Variants in XKR9 observed in about 807,000 individuals in gnomAD.
XKR9 encodes the protein XK-related protein 9.
A neutral mutation model predicts 32.0 loss-of-function variants in XKR9; 32 were observed. The ratio of observed to expected loss-of-function variants is 1.00; its 90% CI spans 0.76 to 1.34. The LOEUF (loss-of-function observed/expected upper bound fraction) is 1.34, where lower values mean the gene tolerates loss of function less well. XKR9 is among the 40% of genes most tolerant of loss of function. The probability of loss-of-function intolerance (pLI) is 0.00; values close to 1 mark genes in which losing one functional copy is unlikely to be tolerated. For synonymous variants in XKR9, 168 were observed against 143.4 expected (o/e 1.17, Z -1.22); for missense variants, 546 against 429.7 (o/e 1.27, Z -2.39).
the XKR9 span, among the ~76,000 whole-genome samples, chr8:70,804,830 A>C: frequency 6.6e-6 from 1 of 152,168 alleles, no homozygotes; most frequent in Non-Finnish European, 1.5e-5. Context: ...TTTATTTTGC[A>C]TATTTCACAG....
chr8:70,939,041 T>C, the XKR9 span, among the ~76,000 whole-genome samples: 1 of 151,894 alleles, frequency 6.6e-6, no homozygotes, highest in Non-Finnish European at 1.5e-5. Flanking sequence ...GATTTCATCA[T>C]TGACAGCTAT....
At chr8:70,926,596 G>A in the XKR9 span, among the ~76,000 whole-genome samples, 1 of 152,202 alleles carries the variant, frequency 6.6e-6, no homozygotes, top group South Asian at 2.1e-4. Flanking sequence ...CTTCAAAGAG[G>A]GCCCAGAGTG....
At chr8:70,819,062 G>A in the XKR9 span, among the ~76,000 whole-genome samples, 35 of 150,090 alleles carry the variant, frequency 2.3e-4, no homozygotes, top group Middle Eastern at 3.4e-3. Context: ...ACTGTTTACA[G>A]GCAAAGACAT....
At chr8:70,755,138 A>G (rs1807201361) in intron 2 of XKR9, among the ~76,000 whole-genome samples, 3 of 152,222 alleles carry the variant, frequency 2.0e-5, no homozygotes, top group Non-Finnish European at 2.9e-5. Flanking sequence ...CATTTATGCA[A>G]CCAAAAGACA....
chr8:70,908,811 G>A, the XKR9 span, among the ~76,000 whole-genome samples: 1 of 151,974 alleles, frequency 6.6e-6, no homozygotes, highest in African/African-American at 2.4e-5. Flanking sequence ...ATCATGGGCT[G>A]TATAAAAAAA....
At chr8:70,801,539 G>A in the XKR9 span, among the ~76,000 whole-genome samples, 21 of 152,014 alleles carry the variant, frequency 1.4e-4, no homozygotes, top group East Asian at 1.9e-4. Context: ...TGTTTGGCAC[G>A]GTTTCTTTTT....
At chr8:70,867,322 G>A in the XKR9 span, among the ~76,000 whole-genome samples, 2 of 152,124 alleles carry the variant, frequency 1.3e-5, no homozygotes, top group African/African-American at 4.8e-5. Flanking sequence ...CAATATACGG[G>A]AATTCAAGAT....
the XKR9 span, among the ~76,000 whole-genome samples, chr8:70,818,506 T>A: frequency 1.8e-4 from 28 of 152,312 alleles, no homozygotes; most frequent in African/African-American, 6.5e-4. Flanking sequence ...AAACTATGAC[T>A]GTTTACCACC....
At chr8:70,897,841 G>C in the XKR9 span, among the ~76,000 whole-genome samples, 42 of 152,198 alleles carry the variant, frequency 2.8e-4, 1 homozygote, top group African/African-American at 9.9e-4. Context: ...TTTGTGGATT[G>C]TTTCCTTTGC....
chr8:70,705,884 G>T (rs1288095866), intron 3 of XKR9, among the ~76,000 whole-genome samples: 2 of 152,148 alleles, frequency 1.3e-5, no homozygotes, highest in African/African-American at 4.8e-5. Context: ...TTAAACAAGG[G>T]TGGTAGTAGT....
intron 2 of XKR9, among the ~76,000 whole-genome samples, chr8:70,777,644 C>T (rs1807550533): frequency 6.6e-6 from 1 of 152,162 alleles, no homozygotes; most frequent in Non-Finnish European, 1.5e-5. Context: ...TTAATGATTG[C>T]TATTCTAACT....
chr8:70,767,394 T>A (rs1388389207), intron 2 of XKR9, among the ~76,000 whole-genome samples: 1 of 152,100 alleles, frequency 6.6e-6, no homozygotes, highest in Non-Finnish European at 1.5e-5. Flanking sequence ...CGTAGAGGTG[T>A]TTATAGTATT....
At chr8:70,898,480 G>T in the XKR9 span, among the ~76,000 whole-genome samples, 1 of 152,048 alleles carries the variant, frequency 6.6e-6, no homozygotes, top group Admixed American at 6.6e-5. Flanking sequence ...TTGATGTGGG[G>T]TTGTATAGAG....
the XKR9 span, among the ~76,000 whole-genome samples, chr8:70,950,469 G>A: frequency 4.8e-4 from 73 of 152,198 alleles, no homozygotes; most frequent in African/African-American, 1.7e-3. Context: ...CCGGCTCTGG[G>A]CAGAGCATGG....
chr8:71,062,533 A>G, the XKR9 span, among the ~76,000 whole-genome samples: 1 of 152,144 alleles, frequency 6.6e-6, no homozygotes, highest in Non-Finnish European at 1.5e-5. Context: ...ATCTGGCGGG[A>G]GCAGGGAGAC....
chr8:70,933,776 G>A, the XKR9 span, among the ~76,000 whole-genome samples: 1 of 151,956 alleles, frequency 6.6e-6, no homozygotes, highest in Non-Finnish European at 1.5e-5. Flanking sequence ...ATACTCTCTA[G>A]GGACTGCTCT....
the XKR9 span, among the ~76,000 whole-genome samples, chr8:71,027,962 CA>C: frequency 6.6e-6 from 1 of 152,056 alleles, no homozygotes; most frequent in Non-Finnish European, 1.5e-5. Flanking sequence ...TTTGTAGAGA[CA>C]GGGGCTTACT....
the XKR9 span, among the ~76,000 whole-genome samples, chr8:71,026,986 T>A: frequency 1.3e-5 from 2 of 152,234 alleles, no homozygotes; most frequent in African/African-American, 4.8e-5. Flanking sequence ...TCAAAACCTT[T>A]AAAAACTTAA....
intron 4 of XKR9, among the ~76,000 whole-genome samples, chr8:70,710,293 A>G (rs268649): frequency 0.11 from 16,491 of 152,260 alleles, 1,429 homozygotes; most frequent in Admixed American, 0.28. Context: ...AATCAACTCA[A>G]GATGGATTAA....
Sources: gnomAD v4.1 joint callset for allele counts (sites outside exome capture counted in the v4.1 genomes callset) on GRCh38, gnomAD v4.1.1 for gene constraint, MANE v1.5 for transcripts, NCBI Gene and HGNC (gene_info 2026-07-23, HGNC 2026-07-21) for gene names.